Variants in DOCK3 observed in about 807,000 individuals in gnomAD.
DOCK3 encodes dedicator of cytokinesis 3, also known as dedicator of cytokinesis protein 3.
In DOCK3, 60 loss-of-function variants were observed where a neutral mutation model predicts 265.6. That is an observed-to-expected ratio of 0.23 (90% CI 0.18 to 0.28). The LOEUF (loss-of-function observed/expected upper bound fraction) is 0.28, where lower values mean the gene tolerates loss of function less well. DOCK3 is among the 10% of genes least tolerant of loss of function. The pLI, the probability that DOCK3 is intolerant of heterozygous loss-of-function variation, is 1.00. For missense variants in DOCK3, 1,981 were observed against 2,594.3 expected, an observed-to-expected ratio of 0.76 and a Z score of 5.14; for synonymous variants, 881 against 938.0, an observed-to-expected ratio of 0.94 and a Z score of 1.11.
At chr3:51,273,248 A>G (rs1040955989) in intron 24 of DOCK3, among the ~76,000 whole-genome samples, 1 of 152,104 alleles carries the variant, frequency 6.6e-6, no homozygotes, top group African/African-American at 2.4e-5. Context: ...CTTTATTTCT[A>G]ATATCTCTGC....
At chr3:51,322,213 T>A (rs1051307266) in intron 32 of DOCK3, among the ~76,000 whole-genome samples, 3 of 152,046 alleles carry the variant, frequency 2.0e-5, no homozygotes, top group Non-Finnish European at 4.4e-5. Flanking sequence ...TTTGTTTTTG[T>A]TTGTTTTGAG....
intron 9 of DOCK3, among the ~76,000 whole-genome samples, chr3:51,126,961 TTA>T (rs201253113): frequency 2.0e-5 from 3 of 150,932 alleles, no homozygotes; most frequent in Non-Finnish European, 3.0e-5. Flanking sequence ...GGTAGGGTTC[TTA>T]TATATATATA....
At chr3:51,292,220 C>A (rs1237221862) in intron 27 of DOCK3, among the ~76,000 whole-genome samples, 1 of 152,030 alleles carries the variant, frequency 6.6e-6, no homozygotes, top group African/African-American at 2.4e-5. Flanking sequence ...CTGTTCAACA[C>A]AATACTAAGT....
At position 50,882,310 on chromosome 3, in the gene DOCK3, A is replaced by G. The variant is rs375621384; in HGVS notation, c.163-7716A>G. 5.9e-5 allele frequency among the ~76,000 whole-genome samples: 9 copies of G among 152,340 alleles called. No homozygotes were observed. The East Asian group carries it at 1.5e-3, about 26-fold the overall frequency. On this transcript the variant is annotated intron_variant, in intron 3 of 52. Transcript: ENST00000266037. ...GAGCTTCTGCACAGCAAAAGAAACT[A>G]CCATCAGAGTGAACAAGCAACTTAC...
At chr3:50,790,705 T>C (rs2042425945) in intron 2 of DOCK3, among the ~76,000 whole-genome samples, 1 of 152,172 alleles carries the variant, frequency 6.6e-6, no homozygotes, top group Non-Finnish European at 1.5e-5. Flanking sequence ...TGATAAATTT[T>C]CCTTTATAGG....
chr3:51,357,202 G>C, intron 44 of DOCK3, 61 bp downstream of exon 44: 2 of 1,552,422 alleles, frequency 1.3e-6, no homozygotes, highest in Non-Finnish European at 8.7e-7. Flanking sequence ...CGGCTCACAG[G>C]CTTCTCTTTT....
intron 9 of DOCK3, among the ~76,000 whole-genome samples, chr3:51,109,943 A>G (rs1027392185): frequency 6.6e-6 from 1 of 152,014 alleles, no homozygotes; most frequent in Admixed American, 6.6e-5. Flanking sequence ...AAAAAAAAAA[A>G]TTCAAATAAA....
chr3:50,727,815 A>G (rs2037927724), intron 1 of DOCK3, among the ~76,000 whole-genome samples: 1 of 152,248 alleles, frequency 6.6e-6, no homozygotes. Flanking sequence ...AACAAGCTAA[A>G]GAAGCAAAAA....
intron 4 of DOCK3, among the ~76,000 whole-genome samples, chr3:50,896,962 A>G (rs1323904634): frequency 6.6e-6 from 1 of 152,144 alleles, no homozygotes; most frequent in African/African-American, 2.4e-5. Flanking sequence ...TGTTTTGGCT[A>G]TACGGGCTCT....
chr3:50,948,603 C>G (rs892717817), intron 5 of DOCK3, among the ~76,000 whole-genome samples: 3 of 151,344 alleles, frequency 2.0e-5, no homozygotes, highest in African/African-American at 7.3e-5. Flanking sequence ...TCTTCTTTCT[C>G]TTTTCTTTTC....
chr3:51,257,823 C>T (rs2079632605), intron 22 of DOCK3, among the ~76,000 whole-genome samples: 1 of 152,232 alleles, frequency 6.6e-6, no homozygotes. Context: ...CAGGCTCCAC[C>T]TCTCACCTTC....
At chr3:51,184,349 G>A (rs994922773) in intron 12 of DOCK3, among the ~76,000 whole-genome samples, 4 of 151,558 alleles carry the variant, frequency 2.6e-5, no homozygotes, top group African/African-American at 7.3e-5. Flanking sequence ...AAAAACCAGG[G>A]CTCTTTAGAT....
intron 1 of DOCK3, among the ~76,000 whole-genome samples, chr3:50,686,888 A>T (rs2034853632): frequency 7.2e-6 from 1 of 139,428 alleles, no homozygotes. Context: ...TAGCCTGGGC[A>T]ACAGAGCAAG....
intron 5 of DOCK3, among the ~76,000 whole-genome samples, chr3:51,041,512 C>T (rs149320335): frequency 4.6e-5 from 7 of 151,944 alleles, no homozygotes; most frequent in East Asian, 1.9e-4. Context: ...CCACCGCACC[C>T]GGCCCAAAAT....
At chr3:51,040,451 A>G (rs1163313221) in intron 5 of DOCK3, among the ~76,000 whole-genome samples, 1 of 152,226 alleles carries the variant, frequency 6.6e-6, no homozygotes, top group Non-Finnish European at 1.5e-5. Context: ...AATGCTAATT[A>G]TCATCTGATC....
chr3:50,792,799 G>A (rs1198572654), intron 2 of DOCK3, among the ~76,000 whole-genome samples: 1 of 152,202 alleles, frequency 6.6e-6, no homozygotes, highest in East Asian at 1.9e-4. Context: ...TAGTGGATAA[G>A]CTTTTTGATG....
chr3:51,325,132 A>G (rs1368191322), intron 32 of DOCK3, among the ~76,000 whole-genome samples: 1 of 152,138 alleles, frequency 6.6e-6, no homozygotes, highest in Non-Finnish European at 1.5e-5. Flanking sequence ...TGAACAGACA[A>G]CCTACAGAAT....
chr3:50,903,934 G>GCCCCAT (rs1328031829), intron 4 of DOCK3, among the ~76,000 whole-genome samples: 1 of 151,874 alleles, frequency 6.6e-6, no homozygotes, highest in Non-Finnish European at 1.5e-5. Context: ...CCCACAACAG[G>GCCCCAT]CCCCAGTGTG....
At chr3:50,986,348 G>A (rs531060672) in intron 5 of DOCK3, among the ~76,000 whole-genome samples, 2 of 152,286 alleles carry the variant, frequency 1.3e-5, no homozygotes, top group African/African-American at 4.8e-5. Flanking sequence ...TATCTAACAA[G>A]TTTGCCTGAT....
Sources: allele counts gnomAD v4.1 joint callset (sites outside exome capture counted in the v4.1 genomes callset), GRCh38; gene constraint gnomAD v4.1.1; transcripts MANE v1.5; gene names NCBI Gene and HGNC (gene_info 2026-07-23, HGNC 2026-07-21).